The following CDH18 variants were observed in gnomAD, a reference collection of about 807,000 sequenced individuals.
CDH18 encodes cadherin 18, also known as cadherin-18.
CDH18 carries 31 observed loss-of-function variants against 67.9 expected under a neutral mutation model. That is an observed-to-expected ratio of 0.46 (90% CI 0.34 to 0.62). CDH18 has a LOEUF of 0.62. Ranked by LOEUF, CDH18 falls within the 20% of genes least tolerant of loss-of-function variation. The pLI is 0.01. For missense variants in CDH18, 890 were observed against 975.5 expected (o/e 0.91, Z 1.17); for synonymous variants, 362 against 347.2 (o/e 1.04, Z -0.48).
chr5:20,551,356 C>T (rs185663498), intron 1 of CDH18, among the ~76,000 whole-genome samples: 1 of 152,238 alleles, frequency 6.6e-6, no homozygotes, highest in East Asian at 1.9e-4. Flanking sequence ...CCACTGACCA[C>T]GTTTTTACTT....
Position 20,557,752 on chromosome 5 carries a change from TTC to T in CDH18, c.-580+17708_-580+17709del, listed in dbSNP as rs112312781. ...ATCTGGTGCGTGGACCTAGAGAAATTTCTATTACTAAGGAATAGAAATTACAA... is the reference window on the plus strand; with the variant it reads ...ATCTGGTGCGTGGACCTAGAGAAATTTATTACTAAGGAATAGAAATTACAA... On this transcript the variant is annotated intron_variant, in intron 1 of 14. Coordinates refer to the CDH18 transcript ENST00000507958. 3.3e-3 allele frequency among the ~76,000 whole-genome samples: 504 copies of T among 152,078 alleles called. 5 individuals carry two copies. The highest frequency in any genetic ancestry group is 0.011 in the African/African-American group (468 of 41,486).
At chr5:20,409,286 T>A (rs1239665067) in intron 1 of CDH18, among the ~76,000 whole-genome samples, 2 of 151,836 alleles carry the variant, frequency 1.3e-5, no homozygotes, top group Non-Finnish European at 3.0e-5. Context: ...AAAACATGTC[T>A]TAACACATTT....
chr5:19,567,688 T>C (rs1419352784), intron 8 of CDH18, among the ~76,000 whole-genome samples: 2 of 152,170 alleles, frequency 1.3e-5, no homozygotes. Context: ...ACAGCAGCTA[T>C]GGAGTCTAAT....
intron 5 of CDH18, among the ~76,000 whole-genome samples, chr5:19,704,709 G>A (rs1763718979): frequency 6.6e-6 from 1 of 152,142 alleles, no homozygotes; most frequent in Non-Finnish European, 1.5e-5. Flanking sequence ...AGAGAAACTG[G>A]AGGCTTTAGA....
intron 8 of CDH18, among the ~76,000 whole-genome samples, chr5:19,565,948 G>A (rs759047616): frequency 2.0e-5 from 3 of 151,412 alleles, no homozygotes; most frequent in Non-Finnish European, 4.4e-5. Flanking sequence ...CAAAATGAAA[G>A]AAAATATTTT....
At chr5:19,881,558 G>T (rs1157828283) in intron 2 of CDH18, among the ~76,000 whole-genome samples, 2 of 149,770 alleles carry the variant, frequency 1.3e-5, no homozygotes, top group Admixed American at 1.3e-4. Context: ...AACCAGGCTG[G>T]AGTGCAATGG....
At chr5:19,490,933 T>A (rs1741369087) in intron 11 of CDH18, among the ~76,000 whole-genome samples, 1 of 152,088 alleles carries the variant, frequency 6.6e-6, no homozygotes, top group South Asian at 2.1e-4. Context: ...GAGTTTGAAA[T>A]AACCAGAGAG....
intron 2 of CDH18, among the ~76,000 whole-genome samples, chr5:19,966,773 T>C (rs1303085794): frequency 6.6e-6 from 1 of 151,928 alleles, no homozygotes; most frequent in African/African-American, 2.4e-5. Flanking sequence ...AATGAAGAAA[T>C]AGATAAAGAA....
At chr5:20,346,349 C>T (rs1028109796) in intron 1 of CDH18, among the ~76,000 whole-genome samples, 2 of 152,120 alleles carry the variant, frequency 1.3e-5, no homozygotes, top group African/African-American at 4.8e-5. Flanking sequence ...ACAGTTAATG[C>T]CTACATTCAT....
Position 20,327,228 on chromosome 5 carries a change from G to T in CDH18, c.-579-71723C>A, listed in dbSNP as rs191454533. 2.6e-4 allele frequency among the ~76,000 whole-genome samples: 39 copies of T among 152,216 alleles called. No homozygotes were observed. In the East Asian group the frequency reaches 5.8e-3, roughly 23 times the overall value. On this transcript the variant is annotated intron_variant, in intron 1 of 14. Transcript: ENST00000507958. ...TTGGGAACTGAGTCATACAAAAACT[G>T]CTTTCTTTTAGTTCCTAAACACATA...
At chr5:19,974,765 G>C (rs1002239308) in intron 2 of CDH18, among the ~76,000 whole-genome samples, 1 of 152,046 alleles carries the variant, frequency 6.6e-6, no homozygotes, top group South Asian at 2.1e-4. Flanking sequence ...GCTTGTCACT[G>C]TCCCGTTGAT....
intron 2 of CDH18, among the ~76,000 whole-genome samples, chr5:20,057,193 G>A (rs956204642): frequency 6.6e-6 from 1 of 152,024 alleles, no homozygotes; most frequent in Non-Finnish European, 1.5e-5. Flanking sequence ...TGTTCAGCAT[G>A]CCAATTAAAT....
chr5:20,410,321 T>C lies in CDH18; in HGVS notation c.-579-154816A>G, dbSNP rs182233914. 4.2e-4 allele frequency among the ~76,000 whole-genome samples: 64 copies of C among 151,978 alleles called. No individual in the cohort carries two copies. The East Asian group carries it at 0.012, about 29-fold the overall frequency. ...GGGACTTATCTCTGGGATGTAAAGA[T>C]GATTTATAAAACAAAAATTAATTAG... On this transcript the variant is annotated intron_variant, in intron 1 of 14. Coordinates refer to the CDH18 transcript ENST00000507958.
At chr5:20,149,111 A>G (rs1051159865) in intron 2 of CDH18, among the ~76,000 whole-genome samples, 1 of 152,266 alleles carries the variant, frequency 6.6e-6, no homozygotes. Flanking sequence ...GATTCCCTCC[A>G]TTCTCTTGCT....
chr5:19,622,471 C>G (rs956055920), intron 5 of CDH18, among the ~76,000 whole-genome samples: 4 of 152,302 alleles, frequency 2.6e-5, no homozygotes, highest in African/African-American at 9.6e-5. Flanking sequence ...AATTCTTTGA[C>G]AATAGTCCCA....
chr5:20,222,447 G>T (rs904882144), intron 2 of CDH18, among the ~76,000 whole-genome samples: 6 of 152,116 alleles, frequency 3.9e-5, no homozygotes, highest in Non-Finnish European at 8.8e-5. Context: ...TATGGTATAT[G>T]TAGGATTTTC....
At chr5:19,496,781 C>A in intron 11 of CDH18, among the ~76,000 whole-genome samples, 1 of 130,220 alleles carries the variant, frequency 7.7e-6, no homozygotes, top group Non-Finnish European at 1.5e-5. Flanking sequence ...CACTGCATTC[C>A]AGCTTAGGCA....
rs575382328 is a variant in CDH18, at chr5:20,397,475, C to T, written c.-579-141970G>A. Among the ~76,000 whole-genome samples, 5 of 152,114 alleles carry T rather than the reference C, an allele frequency of 3.3e-5. 1 individual carries two copies. In the South Asian group the frequency reaches 1.0e-3, roughly 32 times the overall value. On this transcript the variant is annotated intron_variant, in intron 1 of 14. Transcript: ENST00000507958. ...GAGTATTAATTTTTTAACAAAATTA[C>T]TAGCCTAGGAACTGTCCAAAAGATA...
intron 10 of CDH18, among the ~76,000 whole-genome samples, chr5:19,512,440 G>A (rs558497938): frequency 2.0e-5 from 3 of 152,064 alleles, no homozygotes; most frequent in Non-Finnish European, 2.9e-5. Flanking sequence ...AAGATCCACT[G>A]AGGCAAAGGA....
Sources: allele counts gnomAD v4.1 joint callset (sites outside exome capture counted in the v4.1 genomes callset), GRCh38; gene constraint gnomAD v4.1.1; transcripts MANE v1.5; gene names NCBI Gene and HGNC (gene_info 2026-07-23, HGNC 2026-07-21).